NICOL1: variants seen among roughly 807,000 people sequenced by gnomAD.
NICOL1 encodes NELL2-interacting cell ontogeny regulator 1.
At chr4:2,042,329 C>T in the NICOL1 span, 8 of 570,560 alleles carry the variant, frequency 1.4e-5, no homozygotes, top group South Asian at 3.1e-5. Flanking sequence ...GGCTTCAGGG[C>T]GGCCCCGCTC....
chr4:2,039,288 C>A, the NICOL1 span, among the ~76,000 whole-genome samples: 1 of 151,830 alleles, frequency 6.6e-6, no homozygotes, highest in Non-Finnish European at 1.5e-5. Flanking sequence ...GGGGCAGGCA[C>A]CTGTAATCCC....
At chr4:2,041,735 G>A in the NICOL1 span, 2 of 445,032 alleles carry the variant, frequency 4.5e-6, no homozygotes, top group Admixed American at 9.0e-5. Context: ...TCCAGCCACA[G>A]ATTTCCCACT....
the NICOL1 span, among the ~76,000 whole-genome samples, chr4:2,038,237 G>GTACATATATATA: frequency 2.2e-5 from 2 of 91,454 alleles, no homozygotes; most frequent in Non-Finnish European, 4.6e-5. Flanking sequence ...TGATCAGTGT[G>GTACATATATATA]TATATATATA....
the NICOL1 span, among the ~76,000 whole-genome samples, chr4:2,038,242 T>C: frequency 4.7e-4 from 17 of 35,898 alleles, no homozygotes; most frequent in Non-Finnish European, 7.9e-4. Context: ...AGTGTGTATA[T>C]ATATATATAT....
the NICOL1 span, chr4:2,042,187 G>T: frequency 4.2e-6 from 6 of 1,429,536 alleles, no homozygotes; most frequent in South Asian, 8.5e-5. Context: ...TGGGGAGGGG[G>T]CTCCCGGGCC....
chr4:2,038,237 G>GTGTATATATA, the NICOL1 span, among the ~76,000 whole-genome samples: 90 of 91,458 alleles, frequency 9.8e-4, 1 homozygote, highest in Non-Finnish European at 1.4e-3. Flanking sequence ...TGATCAGTGT[G>GTGTATATATA]TATATATATA....
At chr4:2,041,962 A>C in the NICOL1 span, 44 of 1,453,168 alleles carry the variant, frequency 3.0e-5, no homozygotes, top group Non-Finnish European at 3.9e-5. Flanking sequence ...ACGACGTCGG[A>C]TGGGGAACCC....
the NICOL1 span, among the ~76,000 whole-genome samples, chr4:2,037,881 ATTATG>A: frequency 6.6e-6 from 1 of 151,566 alleles, no homozygotes; most frequent in Non-Finnish European, 1.5e-5. Context: ...ACACATAAAA[ATTATG>A]TTATGCATTC....
At chr4:2,039,344 G>A in the NICOL1 span, among the ~76,000 whole-genome samples, 68 of 151,594 alleles carry the variant, frequency 4.5e-4, no homozygotes, top group Middle Eastern at 6.8e-3. Context: ...AACCCAGGAG[G>A]CAGAGGTTGC....
chr4:2,041,664 A>G, the NICOL1 span: 1 of 286,594 alleles, frequency 3.5e-6, no homozygotes, highest in Non-Finnish European at 6.5e-6. Context: ...TTGCATGCGC[A>G]GCTCCCCGCG....
chr4:2,037,946 T>C, the NICOL1 span, among the ~76,000 whole-genome samples: 2 of 151,558 alleles, frequency 1.3e-5, no homozygotes, highest in Non-Finnish European at 2.9e-5. Context: ...TATATTACAC[T>C]ATAAATTTTA....
the NICOL1 span, among the ~76,000 whole-genome samples, chr4:2,037,258 A>G: frequency 6.6e-6 from 1 of 152,166 alleles, no homozygotes; most frequent in African/African-American, 2.4e-5. Context: ...CCCTTTCTTC[A>G]TAAATTACCC....
At chr4:2,039,997 G>C in the NICOL1 span, among the ~76,000 whole-genome samples, 3 of 152,068 alleles carry the variant, frequency 2.0e-5, no homozygotes, top group Non-Finnish European at 4.4e-5. Context: ...ATGGATTTAG[G>C]AAGGAAACAG....
chr4:2,043,513 G>A, the NICOL1 span, among the ~76,000 whole-genome samples: 1 of 152,204 alleles, frequency 6.6e-6, no homozygotes, highest in South Asian at 2.1e-4. Flanking sequence ...CACTCACAGA[G>A]CCTGGAACTG....
chr4:2,042,901 C>T, the NICOL1 span: 1 of 1,001,656 alleles, frequency 1.0e-6, no homozygotes, highest in East Asian at 3.1e-5. Flanking sequence ...GAAGAGGCCC[C>T]CTGCGGGAGT....
At chr4:2,041,634 C>A in the NICOL1 span, 1 of 232,892 alleles carries the variant, frequency 4.3e-6, no homozygotes, top group South Asian at 1.3e-4. Context: ...CCCACTCGCC[C>A]GCGGTCGGAG....
At chr4:2,040,014 C>T in the NICOL1 span, among the ~76,000 whole-genome samples, 23 of 152,058 alleles carry the variant, frequency 1.5e-4, no homozygotes, top group Non-Finnish European at 2.6e-4. Context: ...ACAGAAACAA[C>T]ATCCAAAGGA....
chr4:2,036,674 C>T, the NICOL1 span, among the ~76,000 whole-genome samples: 15 of 152,210 alleles, frequency 9.9e-5, no homozygotes, highest in South Asian at 6.2e-4. Flanking sequence ...GGGTATAACT[C>T]GGATCAGTTA....
the NICOL1 span, chr4:2,041,578 A>G: frequency 5.8e-6 from 1 of 171,898 alleles, no homozygotes; most frequent in African/African-American, 2.4e-5. Context: ...CCCCGAGCCG[A>G]TCCCCCAGAC....
Sources: allele counts gnomAD v4.1 joint callset (sites outside exome capture counted in the v4.1 genomes callset), GRCh38; gene constraint gnomAD v4.1.1; transcripts MANE v1.5; gene names NCBI Gene and HGNC (gene_info 2026-07-23, HGNC 2026-07-21).